Variants in NCAM2 observed in about 807,000 individuals in gnomAD.
NCAM2 encodes the protein neural cell adhesion molecule 2.
Under a neutral mutation model 98.1 loss-of-function variants are expected in NCAM2, and 30 were observed. The ratio of observed to expected loss-of-function variants is 0.31; its 90% confidence interval spans 0.23 to 0.41. The LOEUF is 0.41. Among genes scored for constraint, NCAM2 ranks in the 10% least tolerant of loss-of-function variants. The probability of loss-of-function intolerance (pLI) is 1.00; values close to 1 mark genes in which losing one functional copy is unlikely to be tolerated. For missense variants in NCAM2, 867 were observed against 1,005.8 expected, an observed-to-expected ratio of 0.86 and a Z score of 1.87; for synonymous variants, 368 against 342.4, an observed-to-expected ratio of 1.07 and a Z score of -0.83.
chr21:21,342,317 G>A (rs2075065099), intron 8 of NCAM2, among the ~76,000 whole-genome samples: 1 of 152,200 alleles, frequency 6.6e-6, no homozygotes, highest in Non-Finnish European at 1.5e-5. Context: ...GGCTTGGCCA[G>A]ATGGATATCA....
chr21:21,045,799 A>G (rs1220451983), intron 1 of NCAM2, among the ~76,000 whole-genome samples: 1 of 152,222 alleles, frequency 6.6e-6, no homozygotes, highest in African/African-American at 2.4e-5. Context: ...ACGTCATAAA[A>G]TATGTCACAT....
At chr21:21,485,788 T>A (rs1986298846) in intron 15 of NCAM2, among the ~76,000 whole-genome samples, 1 of 152,202 alleles carries the variant, frequency 6.6e-6, no homozygotes, top group African/African-American at 2.4e-5. Context: ...ACTCTGTGAT[T>A]CATTCATCAA....
At chr21:21,240,888 TA>T (rs1177918015) in intron 1 of NCAM2, among the ~76,000 whole-genome samples, 1 of 152,186 alleles carries the variant, frequency 6.6e-6, no homozygotes, top group Non-Finnish European at 1.5e-5. Flanking sequence ...TTAATATTTA[TA>T]AAATGTTTAG....
chr21:21,236,918 G>A (rs968762540), intron 1 of NCAM2, among the ~76,000 whole-genome samples: 8 of 152,084 alleles, frequency 5.3e-5, no homozygotes, highest in Admixed American at 5.2e-4. Context: ...GAAAACTAGA[G>A]TTATGTAGAC....
At chr21:21,108,680 C>T (rs1347917140) in intron 1 of NCAM2, among the ~76,000 whole-genome samples, 2 of 152,072 alleles carry the variant, frequency 1.3e-5, no homozygotes, top group Non-Finnish European at 2.9e-5. Context: ...TATTTTCTTG[C>T]ATTCCTTGGT....
intron 1 of NCAM2, among the ~76,000 whole-genome samples, chr21:21,218,966 T>C (rs1454423119): frequency 3.3e-5 from 5 of 152,154 alleles, no homozygotes; most frequent in Non-Finnish European, 5.9e-5. Flanking sequence ...TCACTTCAAC[T>C]CGGGAGGCAG....
At chr21:21,453,235 G>C (rs1192187007) in intron 12 of NCAM2, among the ~76,000 whole-genome samples, 4 of 150,276 alleles carry the variant, frequency 2.7e-5, no homozygotes, top group Non-Finnish European at 4.4e-5. Context: ...CTGTGTAAGT[G>C]GGGGTGGGAA....
intron 6 of NCAM2, among the ~76,000 whole-genome samples, chr21:21,326,903 G>T (rs1022987711): frequency 6.6e-6 from 1 of 152,042 alleles, no homozygotes; most frequent in South Asian, 2.1e-4. Flanking sequence ...TTGTGGAAAA[G>T]AAAAAATTCC....
At chr21:21,273,448 G>T (rs1240092054) in intron 1 of NCAM2, among the ~76,000 whole-genome samples, 2 of 152,102 alleles carry the variant, frequency 1.3e-5, no homozygotes, top group Non-Finnish European at 2.9e-5. Flanking sequence ...GAATAGTCAG[G>T]AAAGTGAGCA....
At chr21:21,479,774 GC>G (rs909598598) in intron 15 of NCAM2, among the ~76,000 whole-genome samples, 2 of 98,314 alleles carry the variant, frequency 2.0e-5, no homozygotes, top group African/African-American at 1.0e-4. Context: ...TGTCCTGAGA[GC>G]TTTGTAGGCA....
intron 15 of NCAM2, among the ~76,000 whole-genome samples, chr21:21,502,374 A>G (rs1987693295): frequency 6.6e-6 from 1 of 151,938 alleles, no homozygotes; most frequent in Non-Finnish European, 1.5e-5. Context: ...ATGTTTTAAA[A>G]TATTCTTAAC....
chr21:21,045,027 AAT>A (rs1352842327), intron 1 of NCAM2, among the ~76,000 whole-genome samples: 1 of 152,200 alleles, frequency 6.6e-6, no homozygotes, highest in East Asian at 1.9e-4. Context: ...GATATATAAA[AAT>A]ATGTGTGTGT....
At chr21:21,325,709 C>G (rs924944307) in intron 6 of NCAM2, among the ~76,000 whole-genome samples, 4 of 152,112 alleles carry the variant, frequency 2.6e-5, no homozygotes, top group African/African-American at 9.7e-5. Context: ...AAATACTGTT[C>G]TACAATCTTT....
intron 1 of NCAM2, among the ~76,000 whole-genome samples, chr21:21,251,605 G>A (rs1378306398): frequency 2.0e-5 from 3 of 152,102 alleles, no homozygotes; most frequent in Non-Finnish European, 2.9e-5. Context: ...GAATAGTGCT[G>A]CAGTAAACAT....
At chr21:21,401,996 C>T (rs528517207) in intron 9 of NCAM2, among the ~76,000 whole-genome samples, 3 of 152,184 alleles carry the variant, frequency 2.0e-5, no homozygotes, top group Admixed American at 6.5e-5. Flanking sequence ...CTGTTATCTT[C>T]GTAAGCTGAG....
At chr21:21,021,556 T>C (rs58688958) in intron 1 of NCAM2, among the ~76,000 whole-genome samples, 7,448 of 152,290 alleles carry the variant, frequency 0.049, 220 homozygotes, top group Non-Finnish European at 0.058. Flanking sequence ...GTGATTGTTA[T>C]GTTTATAAAA....
chr21:21,375,710 A>AT (rs1003198307), intron 9 of NCAM2, among the ~76,000 whole-genome samples: 94 of 151,230 alleles, frequency 6.2e-4, no homozygotes, highest in Non-Finnish European at 1.0e-3. Context: ...TTACTTTATG[A>AT]TTTTTTTTAA....
chr21:21,203,634 A>C (rs1300348347), intron 1 of NCAM2, among the ~76,000 whole-genome samples: 1 of 152,196 alleles, frequency 6.6e-6, no homozygotes, highest in Admixed American at 6.5e-5. Flanking sequence ...TATATGCTCA[A>C]TCAAGAGTTT....
At chr21:21,487,246 A>C (rs2146297284) in intron 15 of NCAM2, among the ~76,000 whole-genome samples, 1 of 152,254 alleles carries the variant, frequency 6.6e-6, no homozygotes, top group South Asian at 2.1e-4. Context: ...CAGACAGTTT[A>C]CTTGTTTATT....
Sources: gnomAD v4.1 joint callset for allele counts (sites outside exome capture counted in the v4.1 genomes callset) on GRCh38, gnomAD v4.1.1 for gene constraint, MANE v1.5 for transcripts, NCBI Gene and HGNC (gene_info 2026-07-23, HGNC 2026-07-21) for gene names.